Variants in HHAT observed in about 807,000 individuals in gnomAD.
HHAT encodes protein-cysteine N-palmitoyltransferase HHAT.
Under a neutral mutation model 70.8 loss-of-function variants are expected in HHAT, and 47 were observed. The observed-to-expected ratio is 0.66, with a 90% CI of 0.53 to 0.85. The LOEUF (loss-of-function observed/expected upper bound fraction) is 0.85. Among genes scored for constraint, HHAT ranks in the 40% least tolerant of loss-of-function variants. The probability of loss-of-function intolerance (pLI) is 0.00; values close to 1 mark genes in which losing one functional copy is unlikely to be tolerated. For missense variants in HHAT, 609 were observed against 604.8 expected, an observed-to-expected ratio of 1.01 and a Z score of -0.07; for synonymous variants, 228 against 247.6, an observed-to-expected ratio of 0.92 and a Z score of 0.74.
intron 5 of HHAT, among the ~76,000 whole-genome samples, chr1:210,402,286 G>T (rs1267216373): frequency 1.3e-5 from 2 of 152,148 alleles, no homozygotes; most frequent in Admixed American, 1.3e-4. Context: ...AAAACATCAG[G>T]GGTCATATGC....
At chr1:210,623,463 G>A in intron 10 of HHAT, 63 bp from the exon 11 acceptor site, 1 of 1,587,552 alleles carries the variant, frequency 6.3e-7, no homozygotes, top group Admixed American at 1.7e-5. Context: ...AAAGCTGGAT[G>A]GTATCTTAGC....
At chr1:210,450,434 G>C (rs553687089) in intron 7 of HHAT, among the ~76,000 whole-genome samples, 1 of 152,150 alleles carries the variant, frequency 6.6e-6, no homozygotes, top group South Asian at 2.1e-4. Context: ...TCTGTGAAAG[G>C]GAAGATGTTC....
chr1:210,535,493 A>G (rs2095362530), intron 9 of HHAT, among the ~76,000 whole-genome samples: 1 of 151,490 alleles, frequency 6.6e-6, no homozygotes, highest in African/African-American at 2.4e-5. Flanking sequence ...TTCATAGTTG[A>G]TGATTCTCTG....
At chr1:210,608,514 T>C (rs921231744) in intron 10 of HHAT, among the ~76,000 whole-genome samples, 6 of 152,140 alleles carry the variant, frequency 3.9e-5, no homozygotes, top group Admixed American at 6.6e-5. Flanking sequence ...CTGGCATTTT[T>C]TCAGAATTGC....
At chr1:210,371,765 A>T (rs1009191835) in intron 3 of HHAT, among the ~76,000 whole-genome samples, 1 of 152,214 alleles carries the variant, frequency 6.6e-6, no homozygotes, top group Non-Finnish European at 1.5e-5. Context: ...GTTTACACAC[A>T]TGAAACAAAG....
At chr1:210,667,693 G>T (rs1232015010) in intron 11 of HHAT, among the ~76,000 whole-genome samples, 1 of 151,966 alleles carries the variant, frequency 6.6e-6, no homozygotes, top group Non-Finnish European at 1.5e-5. Context: ...TGCACAACCT[G>T]TCGCCGCCCA....
At chr1:210,467,975 C>A (rs2094137438) in intron 8 of HHAT, among the ~76,000 whole-genome samples, 1 of 152,146 alleles carries the variant, frequency 6.6e-6, no homozygotes, top group African/African-American at 2.4e-5. Context: ...CATGCTAGTT[C>A]AAATTGACTG....
intron 10 of HHAT, among the ~76,000 whole-genome samples, chr1:210,617,163 A>C (rs541511030): frequency 1.3e-5 from 2 of 152,370 alleles, no homozygotes; most frequent in Admixed American, 6.5e-5. Context: ...AGATGCATTC[A>C]AAGTAGAGAG....
chr1:210,575,745 T>A lies in HHAT; in HGVS notation c.1044-12153T>A, dbSNP rs535871689. On this transcript the variant is annotated intron_variant, in intron 9 of 11. Transcript: ENST00000261458. ...AAGATTGTAATACCACAAAGACACA[T>A]GTGTCATCAGAACTTTGATCTTCCA... 5.0e-4 allele frequency among the ~76,000 whole-genome samples: 76 copies of A among 151,626 alleles called. 1 individual carries two copies. The highest frequency in any genetic ancestry group is 1.7e-3 in the African/African-American group (71 of 41,544).
intron 10 of HHAT, among the ~76,000 whole-genome samples, chr1:210,598,282 A>G (rs1427220912): frequency 1.3e-5 from 2 of 151,820 alleles, no homozygotes; most frequent in Non-Finnish European, 2.9e-5. Context: ...GCTGTGAGCT[A>G]TGCTGCCTGG....
chr1:210,508,566 G>A (rs917697380), intron 8 of HHAT, among the ~76,000 whole-genome samples: 7 of 152,156 alleles, frequency 4.6e-5, no homozygotes, highest in East Asian at 1.9e-4. Context: ...AACCTTTAGC[G>A]TCGTATCAAA....
chr1:210,629,846 TTTTTTG>T (rs1325559070), intron 11 of HHAT, among the ~76,000 whole-genome samples: 5 of 142,888 alleles, frequency 3.5e-5, no homozygotes, highest in African/African-American at 1.3e-4. Flanking sequence ...TTGTTTTTTG[TTTTTTG>T]TTTTTTTTTT....
chr1:210,524,525 T>C (rs12119334), intron 9 of HHAT, among the ~76,000 whole-genome samples: 64,024 of 151,960 alleles, frequency 0.42, 13,882 homozygotes, highest in Middle Eastern at 0.47. Flanking sequence ...AGCCTGGGGC[T>C]GGCCAGTAGA....
chr1:210,497,783 TGAGACAG>T (rs2094678036), intron 8 of HHAT, among the ~76,000 whole-genome samples: 1 of 150,962 alleles, frequency 6.6e-6, no homozygotes, highest in African/African-American at 2.5e-5. Flanking sequence ...TTTTTTTTTT[TGAGACAG>T]AGTCTGGCTC....
intron 5 of HHAT, among the ~76,000 whole-genome samples, chr1:210,401,019 T>C (rs1315244273): frequency 6.6e-6 from 1 of 152,222 alleles, no homozygotes; most frequent in African/African-American, 2.4e-5. Flanking sequence ...CTACAATTTA[T>C]AGGGAATGCA....
intron 3 of HHAT, among the ~76,000 whole-genome samples, chr1:210,366,910 G>C (rs4845007): frequency 1.3e-5 from 2 of 152,080 alleles, no homozygotes; most frequent in African/African-American, 2.4e-5. Flanking sequence ...AGCTGAGCTT[G>C]GTGCTCATAG....
intron 2 of HHAT, among the ~76,000 whole-genome samples, chr1:210,350,974 T>C (rs547979843): frequency 6.6e-6 from 1 of 152,258 alleles, no homozygotes; most frequent in Admixed American, 6.5e-5. Flanking sequence ...CTGTATTAGT[T>C]AGGGTTCTCC....
intron 3 of HHAT, among the ~76,000 whole-genome samples, chr1:210,386,206 T>C (rs1264658017): frequency 6.6e-6 from 1 of 150,690 alleles, no homozygotes; most frequent in Non-Finnish European, 1.5e-5. Flanking sequence ...TCAGTGGTCA[T>C]TGCAGGAGTC....
At chr1:210,496,023 A>AAAAAAAG (rs2094634769) in intron 8 of HHAT, among the ~76,000 whole-genome samples, 1 of 150,592 alleles carries the variant, frequency 6.6e-6, no homozygotes, top group African/African-American at 2.4e-5. Context: ...AAAAAAAAAA[A>AAAAAAAG]AAAAAAAGAA....
Sources: gnomAD v4.1 joint callset for allele counts (sites outside exome capture counted in the v4.1 genomes callset) on GRCh38, gnomAD v4.1.1 for gene constraint, MANE v1.5 for transcripts, NCBI Gene and HGNC (gene_info 2026-07-23, HGNC 2026-07-21) for gene names.